Variants in LANCL1 observed in about 807,000 individuals in gnomAD.
LANCL1 encodes the protein LanC like glutathione S-transferase 1.
Under a neutral mutation model 50.6 loss-of-function variants are expected in LANCL1, and 50 were observed. The observed-to-expected ratio is 0.99, with a 90% CI of 0.79 to 1.25. The LOEUF is 1.25. LANCL1 is among the 50% of genes most tolerant of loss of function. The probability of loss-of-function intolerance (pLI) is 0.00; values close to 1 mark genes in which losing one functional copy is unlikely to be tolerated. For synonymous variants in LANCL1, 188 were observed against 178.6 expected (o/e 1.05, Z -0.42); for missense variants, 532 against 480.7 (o/e 1.11, Z -1.00).
intron 3 of LANCL1, among the ~76,000 whole-genome samples, chr2:210,464,422 A>G (rs1693971571): frequency 1.3e-5 from 2 of 152,220 alleles, no homozygotes; most frequent in Non-Finnish European, 2.9e-5. Flanking sequence ...GGGCTTTTAA[A>G]CAACATGGGT....
intron 6 of LANCL1, among the ~76,000 whole-genome samples, chr2:210,438,084 A>T (rs1017418050): frequency 2.0e-5 from 3 of 150,518 alleles, no homozygotes; most frequent in African/African-American, 7.3e-5. Flanking sequence ...ACAAAGTAAA[A>T]TTGCTATCAG....
Position 210,436,426 on chromosome 2 carries a change from G to C in LANCL1, c.874-34C>G, listed in dbSNP as rs200085323. 456 of 1,587,340 alleles carry C rather than the reference G, an allele frequency of 2.9e-4. 1 individual carries two copies. In the African/African-American group the frequency reaches 5.6e-3, roughly 19 times the overall value. ...GCAAAGGACACATTTTATTATACGG[G>C]ATATAAAAGAAAGTTCCATTGATAT... On this transcript the variant is annotated intron_variant, in intron 7 of 9. Coordinates refer to ENST00000450366, the MANE Select transcript of LANCL1 (RefSeq NM_006055.3).
intron 4 of LANCL1, among the ~76,000 whole-genome samples, chr2:210,450,576 A>G (rs998903135): frequency 6.6e-6 from 1 of 152,186 alleles, no homozygotes; most frequent in African/African-American, 2.4e-5. Flanking sequence ...AATGGGAGAA[A>G]ATTTTTGCAA....
intron 3 of LANCL1, among the ~76,000 whole-genome samples, chr2:210,456,886 A>C (rs1693688788): frequency 6.6e-6 from 1 of 152,256 alleles, no homozygotes; most frequent in African/African-American, 2.4e-5. Flanking sequence ...TCTTGGCTTA[A>C]CTATTTAACA....
intron 4 of LANCL1, among the ~76,000 whole-genome samples, chr2:210,448,633 A>C (rs1370573634): frequency 2.6e-5 from 4 of 152,202 alleles, no homozygotes; most frequent in Non-Finnish European, 1.5e-5. Flanking sequence ...GAAAAGAGAG[A>C]AGAATCAAAT....
chr2:210,455,169 T>G lies in LANCL1; in HGVS notation c.345A>C (p.Ala115=), dbSNP rs758589739. The G allele has an allele frequency of 1.2e-6, 2 of 1,613,818 alleles. No homozygotes were observed. The highest frequency in any genetic ancestry group is 8.5e-7 in the Non-Finnish European group (1 of 1,179,776). ...TCTTGTGATATAGCACAGCGGCCACTGCCAGGGGGCCTGCATCCCCACAAA... is the reference window on the plus strand; with the variant it reads ...TCTTGTGATATAGCACAGCGGCCACGGCCAGGGGGCCTGCATCCCCACAAA... ...TFLCGDAGPL[A]VAAVLYHKMN... Residue 115 remains alanine, a synonymous_variant, in exon 4 of 10, where the codon GCA becomes GCC. Transcript: ENST00000450366.
At chr2:210,469,984 A>ATTTTTT (rs1694177430) in intron 3 of LANCL1, among the ~76,000 whole-genome samples, 1 of 146,734 alleles carries the variant, frequency 6.8e-6, no homozygotes, top group Non-Finnish European at 1.5e-5. Flanking sequence ...TTTTTTTGGC[A>ATTTTTT]AGGAATAACA....
At chr2:210,463,180 A>G (rs377456769) in intron 3 of LANCL1, among the ~76,000 whole-genome samples, 8 of 152,130 alleles carry the variant, frequency 5.3e-5, no homozygotes, top group African/African-American at 1.9e-4. Flanking sequence ...TGAAATGAGG[A>G]TATGAATGGT....
intron 4 of LANCL1, among the ~76,000 whole-genome samples, chr2:210,446,520 G>A (rs1371640397): frequency 6.6e-6 from 1 of 152,062 alleles, no homozygotes; most frequent in Non-Finnish European, 1.5e-5. Flanking sequence ...CAAATTGACG[G>A]AAGTAGGCTT....
rs780398244 is a variant in LANCL1, at chr2:210,436,199, G to A, written c.1050+17C>T. ...GAGCCACCGAGCTGCTTTCTATTTG[G>A]TGGTTCTGACTCCTACCTTACAGGC... On this transcript the variant is annotated intron_variant, in intron 8 of 9. Transcript: ENST00000450366. 6.2e-6 allele frequency: 10 copies of A among 1,608,448 alleles called. No homozygotes were observed. The highest frequency in any genetic ancestry group is 5.0e-5 in the Admixed American group (3 of 59,786).
intron 3 of LANCL1, 123 bp from the exon 4 acceptor site, chr2:210,455,437 A>C (rs906343892): frequency 3.9e-6 from 3 of 774,744 alleles, no homozygotes; most frequent in Non-Finnish European, 6.1e-6. Context: ...ATGATCTGGA[A>C]GTTTGGGTGA....
chr2:210,477,464 G>A (rs987631785), upstream of LANCL1: 7 of 1,210,528 alleles, frequency 5.8e-6, no homozygotes, highest in Non-Finnish European at 7.3e-6. Context: ...TACATATTAG[G>A]CCCATTCTAT....
At chr2:210,459,272 A>G (rs978436492) in intron 3 of LANCL1, among the ~76,000 whole-genome samples, 2 of 152,032 alleles carry the variant, frequency 1.3e-5, no homozygotes, top group South Asian at 2.1e-4. Context: ...ACCTCATTTT[A>G]TACTATATAC....
rs761100010 is a variant in LANCL1 at position 210,455,150 on chromosome 2, G to A, written c.364C>T (p.His122Tyr). The change falls in exon 4 of 10, where the codon CAC (histidine) becomes TAC (tyrosine). Residue 122 changes from histidine to tyrosine, a missense_variant. Physicochemically the swap from His to Tyr is moderately conservative, Grantham distance 83. Coordinates refer to ENST00000450366, the MANE Select transcript of LANCL1 (RefSeq NM_006055.3). ...GCCTGCTTCTCATTGTTCATCTTGTGATATAGCACAGCGGCCACTGCCAGG... is the reference window on the plus strand; with the variant it reads ...GCCTGCTTCTCATTGTTCATCTTGTAATATAGCACAGCGGCCACTGCCAGG... Reference protein sequence around the residue: ...GPLAVAAVLYHKMNNEKQAED... With the variant: ...GPLAVAAVLYYKMNNEKQAED... 6.2e-7 allele frequency: 1 copy of A among 1,613,572 alleles called. No individual in the cohort carries two copies. Among genetic ancestry groups the A allele is most frequent in the Non-Finnish European group, 8.5e-7 (1 of 1,179,722 alleles).
In LANCL1 at chr2:210,432,585, T is replaced by G. The variant is rs1266128451; in HGVS notation, c.*1902A>C. The G allele has an allele frequency of 6.6e-6, 1 of 152,220 alleles. No homozygotes were observed. The highest frequency in any genetic ancestry group is 1.5e-5 in the Non-Finnish European group (1 of 68,044). 9.4% of individuals were successfully genotyped at this position (152,220 alleles called of 1,614,324 possible). ...CGATGCTTGGAGAACTGTGATCAAGTCTTCTCTGGCTCAGAGAAACTGTTA... is the reference window on the plus strand; with the variant it reads ...CGATGCTTGGAGAACTGTGATCAAGGCTTCTCTGGCTCAGAGAAACTGTTA... On this transcript the variant is annotated 3_prime_UTR_variant, in exon 10 of 10. Coordinates refer to ENST00000450366, the MANE Select transcript of LANCL1 (RefSeq NM_006055.3).
chr2:210,446,635 G>C (rs905606151), intron 4 of LANCL1, among the ~76,000 whole-genome samples: 2 of 150,984 alleles, frequency 1.3e-5, no homozygotes, highest in Non-Finnish European at 2.9e-5. Context: ...TTGCTAACTA[G>C]AATAACCAGT....
rs6750667 is a variant in LANCL1 at position 210,455,396 on chromosome 2, C to T, written c.200-82G>A. On this transcript the variant is annotated intron_variant, in intron 3 of 9. Coordinates refer to ENST00000450366, the MANE Select transcript of LANCL1 (RefSeq NM_006055.3). Reference sequence around the variant, plus strand: ...TTTTGGCATGGTGTCTACTCAGCAGCGATTTTTGATAACCTGTAGCAAATT... The same window carrying T: ...TTTTGGCATGGTGTCTACTCAGCAGTGATTTTTGATAACCTGTAGCAAATT... 3,656 of 1,157,002 alleles carry T rather than the reference C, an allele frequency of 3.2e-3. 77 individuals carry two copies. In the African/African-American group the frequency reaches 0.05, roughly 16 times the overall value. The allele number at this position is 1,157,002 out of a possible 1,614,324, so 71.7% of individuals were successfully genotyped here.
intron 3 of LANCL1, among the ~76,000 whole-genome samples, chr2:210,456,090 G>A (rs1451681977): frequency 6.6e-6 from 1 of 152,110 alleles, no homozygotes; most frequent in African/African-American, 2.4e-5. Context: ...TCAAATGCCT[G>A]TCACAGTGGA....
At chr2:210,464,639 C>T (rs184659163) in intron 3 of LANCL1, among the ~76,000 whole-genome samples, 120 of 152,188 alleles carry the variant, frequency 7.9e-4, no homozygotes, top group African/African-American at 2.7e-3. Context: ...AAAATATACA[C>T]AAATCTATTA....
Sources: allele counts gnomAD v4.1 joint callset (sites outside exome capture counted in the v4.1 genomes callset), GRCh38; gene constraint gnomAD v4.1.1; transcripts MANE v1.5; gene names NCBI Gene and HGNC (gene_info 2026-07-23, HGNC 2026-07-21).